Variants in KIAA1958 observed in about 807,000 individuals in gnomAD.
KIAA1958 encodes KIAA1958, also known as uncharacterized protein KIAA1958.
A neutral mutation model predicts 47.2 loss-of-function variants in KIAA1958; 14 were observed. The ratio of observed to expected loss-of-function variants is 0.30; its 90% CI spans 0.20 to 0.46. The LOEUF (loss-of-function observed/expected upper bound fraction) is 0.46. Among genes scored for constraint, KIAA1958 ranks in the 20% least tolerant of loss-of-function variants. The pLI is 1.00. For synonymous variants in KIAA1958, 354 were observed against 353.3 expected, an observed-to-expected ratio of 1.00 and a Z score of -0.02; for missense variants, 803 against 909.2, an observed-to-expected ratio of 0.88 and a Z score of 1.50.
intron 2 of KIAA1958, among the ~76,000 whole-genome samples, chr9:112,593,865 T>C (rs1477787730): frequency 6.6e-6 from 1 of 151,786 alleles, no homozygotes; most frequent in Non-Finnish European, 1.5e-5. Context: ...TTTTGTTTTG[T>C]TTTGTTTTGT....
chr9:112,566,891 A>G (rs1487301097), intron 1 of KIAA1958, among the ~76,000 whole-genome samples: 1 of 152,208 alleles, frequency 6.6e-6, no homozygotes. Flanking sequence ...ATGGGCCCTA[A>G]TGTGAGGCAA....
At chr9:112,530,649 AT>A (rs1355581270) in intron 1 of KIAA1958, among the ~76,000 whole-genome samples, 3 of 152,194 alleles carry the variant, frequency 2.0e-5, no homozygotes, top group Non-Finnish European at 2.9e-5. Context: ...TATACTTTCA[AT>A]TTTTTAAAAT....
intron 1 of KIAA1958, among the ~76,000 whole-genome samples, chr9:112,558,962 A>C (rs1835285840): frequency 6.6e-6 from 1 of 152,202 alleles, no homozygotes; most frequent in Non-Finnish European, 1.5e-5. Context: ...TTAAAATGCT[A>C]ATTTAAGGTT....
intron 1 of KIAA1958, among the ~76,000 whole-genome samples, chr9:112,532,703 T>C (rs1834771309): frequency 1.3e-5 from 2 of 152,204 alleles, no homozygotes; most frequent in South Asian, 4.1e-4. Context: ...TGGGATTAGT[T>C]CCTCCAGTTT....
Position 112,548,936 on chromosome 9 carries a change from A to G in KIAA1958, c.-24-25121A>G, listed in dbSNP as rs185515813. On this transcript the variant is annotated intron_variant, in intron 1 of 3. Coordinates refer to ENST00000337530, the MANE Select transcript of KIAA1958 (RefSeq NM_133465.4). ...AGGGAAGACCATGTGAAGACACCAG[A>G]AGAAGACAGTCATCTAGGAACTAAG... Among the ~76,000 whole-genome samples, 243 of 152,354 alleles carry G rather than the reference A, an allele frequency of 1.6e-3. 1 individual carries two copies. Among genetic ancestry groups the G allele is most frequent in the African/African-American group, 5.8e-3 (240 of 41,590 alleles).
At chr9:112,605,073 G>A (rs982058892) in intron 2 of KIAA1958, among the ~76,000 whole-genome samples, 1 of 145,942 alleles carries the variant, frequency 6.9e-6, no homozygotes, top group African/African-American at 2.5e-5. Flanking sequence ...ATATAAATTT[G>A]TATATATATA....
At chr9:112,561,988 G>C (rs566502199) in intron 1 of KIAA1958, among the ~76,000 whole-genome samples, 1 of 152,320 alleles carries the variant, frequency 6.6e-6, no homozygotes, top group South Asian at 2.1e-4. Context: ...CTGGGTAAAT[G>C]AGCCTTGTTT....
At chr9:112,551,723 C>G (rs1309039951) in intron 1 of KIAA1958, among the ~76,000 whole-genome samples, 1 of 152,036 alleles carries the variant, frequency 6.6e-6, no homozygotes, top group Non-Finnish European at 1.5e-5. Context: ...TCTAGTTTTC[C>G]CAGGGGCCTC....
intron 2 of KIAA1958, among the ~76,000 whole-genome samples, chr9:112,582,823 A>G (rs998151430): frequency 2.0e-5 from 3 of 152,002 alleles, no homozygotes; most frequent in African/African-American, 7.3e-5. Flanking sequence ...CATGCTTCCT[A>G]TGAAGGGCGG....
chr9:112,516,035 G>A (rs1834427287), intron 1 of KIAA1958, among the ~76,000 whole-genome samples: 1 of 152,086 alleles, frequency 6.6e-6, no homozygotes, highest in Non-Finnish European at 1.5e-5. Context: ...AGGCTAGAAA[G>A]GAAGAAGTAC....
At chr9:112,504,364 T>C (rs886901406) in intron 1 of KIAA1958, among the ~76,000 whole-genome samples, 46 of 152,150 alleles carry the variant, frequency 3.0e-4, no homozygotes, top group African/African-American at 9.4e-4. Flanking sequence ...AATTTTTGTA[T>C]TTTGAGTAGA....
At chr9:112,590,207 A>T (rs1721591264) in intron 2 of KIAA1958, among the ~76,000 whole-genome samples, 1 of 152,150 alleles carries the variant, frequency 6.6e-6, no homozygotes, top group Non-Finnish European at 1.5e-5. Context: ...GATTTTATTC[A>T]CTTTAAGATT....
chr9:112,621,843 G>C (rs1836514004), intron 2 of KIAA1958, among the ~76,000 whole-genome samples: 1 of 152,042 alleles, frequency 6.6e-6, no homozygotes, highest in Non-Finnish European at 1.5e-5. Context: ...TCAAACTCCA[G>C]GGCTCAAGAG....
chr9:112,518,326 C>T (rs1834474495), intron 1 of KIAA1958, among the ~76,000 whole-genome samples: 3 of 152,132 alleles, frequency 2.0e-5, no homozygotes, highest in Admixed American at 2.0e-4. Context: ...TATCTATTAG[C>T]AAGTGAATGG....
intron 1 of KIAA1958, among the ~76,000 whole-genome samples, chr9:112,511,950 C>T (rs1834332584): frequency 6.6e-6 from 1 of 152,110 alleles, no homozygotes; most frequent in Non-Finnish European, 1.5e-5. Context: ...TAATGAACAG[C>T]ACAAACCACC....
At chr9:112,606,049 CA>C (rs1217372163) in intron 2 of KIAA1958, among the ~76,000 whole-genome samples, 2 of 152,204 alleles carry the variant, frequency 1.3e-5, no homozygotes, top group Non-Finnish European at 2.9e-5. Flanking sequence ...TAATTCCTGA[CA>C]TGTATCAGTT....
intron 1 of KIAA1958, among the ~76,000 whole-genome samples, chr9:112,503,925 T>TTATATATA (rs5900006): frequency 2.0e-5 from 3 of 147,394 alleles, no homozygotes; most frequent in Non-Finnish European, 4.5e-5. Context: ...GGGTTATAAA[T>TTATATATA]TATATATATA....
intron 2 of KIAA1958, among the ~76,000 whole-genome samples, chr9:112,643,511 G>A (rs1233224965): frequency 6.6e-6 from 1 of 152,176 alleles, no homozygotes; most frequent in Non-Finnish European, 1.5e-5. Context: ...TTAATATCAA[G>A]CAAGTCCCAC....
chr9:112,548,431 C>G (rs115904256), intron 1 of KIAA1958, among the ~76,000 whole-genome samples: 2,837 of 152,280 alleles, frequency 0.019, 88 homozygotes, highest in African/African-American at 0.063. Context: ...CAGGCTGTAG[C>G]CTGACCACCT....
Sources: allele counts gnomAD v4.1 joint callset (sites outside exome capture counted in the v4.1 genomes callset), GRCh38; gene constraint gnomAD v4.1.1; transcripts MANE v1.5; gene names NCBI Gene and HGNC (gene_info 2026-07-23, HGNC 2026-07-21).